The following ARID5B variants were observed in gnomAD, a reference collection of about 807,000 sequenced individuals.
The protein encoded by ARID5B is AT-rich interaction domain 5B.
A neutral mutation model predicts 97.2 loss-of-function variants in ARID5B; 13 were observed. That is an observed-to-expected ratio of 0.13 (90% confidence interval 0.09 to 0.21). The LOEUF is 0.21. Among genes scored for constraint, ARID5B ranks in the 10% least tolerant of loss-of-function variants. The pLI, the probability that ARID5B is intolerant of heterozygous loss-of-function variation, is 1.00. For missense variants in ARID5B, 1,210 were observed against 1,465.3 expected (o/e 0.83, Z 2.84); for synonymous variants, 556 against 570.3 (o/e 0.97, Z 0.36).
chr10:61,936,267 C>T (rs968598728), intron 2 of ARID5B, among the ~76,000 whole-genome samples: 3 of 152,176 alleles, frequency 2.0e-5, no homozygotes, highest in South Asian at 2.1e-4. Flanking sequence ...TACCACCTTC[C>T]CATAAATAGT....
chr10:61,973,580 TAC>T (rs148508805), intron 3 of ARID5B, among the ~76,000 whole-genome samples: 13 of 150,168 alleles, frequency 8.7e-5, no homozygotes, highest in Non-Finnish European at 1.5e-4. Flanking sequence ...CACACATGCA[TAC>T]ACACACACAC....
intron 3 of ARID5B, among the ~76,000 whole-genome samples, chr10:61,994,899 T>G (rs541505337): frequency 6.6e-6 from 1 of 152,324 alleles, no homozygotes; most frequent in Non-Finnish European, 1.5e-5. Context: ...TAATGTTGGG[T>G]CTCTTATTCC....
At position 62,092,149 on chromosome 10, in the gene ARID5B, G is replaced by A. The variant is rs1052688396; in HGVS notation, c.2686G>A (p.Ala896Thr). 1.2e-5 allele frequency: 20 copies of A among 1,607,056 alleles called. No individual in the cohort carries two copies. The highest frequency in any genetic ancestry group is 1.6e-5 in the Non-Finnish European group (19 of 1,177,524). Residue 896 changes from alanine (A) to threonine (T), a missense_variant, in exon 10 of 10, where the codon GCA (alanine) becomes ACA (threonine). Physicochemically the swap from Ala to Thr is moderately conservative, Grantham distance 58. Around this residue, in one of 8 missense-constraint regions of ARID5B, gnomAD observed 800 missense variants for 839.1 expected, o/e 0.95. Transcript: ENST00000279873. ...GCACCTGCAAGACAAAAAGTCGGCGGCAGCAGAAGCCCCTACGGATGATCA... is the reference window on the plus strand; with the variant it reads ...GCACCTGCAAGACAAAAAGTCGGCGACAGCAGAAGCCCCTACGGATGATCA... ...SLHLQDKKSAAAEAPTDDQPT... is the reference protein window; with the variant it reads ...SLHLQDKKSATAEAPTDDQPT...
intron 8 of ARID5B, among the ~76,000 whole-genome samples, chr10:62,078,821 G>C (rs1374566329): frequency 6.6e-6 from 1 of 152,206 alleles, no homozygotes; most frequent in Admixed American, 6.5e-5. Flanking sequence ...ACCATGGGAA[G>C]CTTGGGCTTG....
At position 61,931,155 on chromosome 10, in the gene ARID5B, G is replaced by A. The variant is rs61081342; in HGVS notation, c.277-9028G>A. On this transcript the variant is annotated intron_variant, in intron 2 of 9. Coordinates refer to ENST00000279873, the MANE Select transcript of ARID5B (RefSeq NM_032199.3). ...ATAATACCATGGCTCTCAAAGTTTC[G>A]GACTCAGGACCCTTTACACTCAACT... is the stretch of plus-strand genomic sequence containing the variant. Among the ~76,000 whole-genome samples, 186 of 152,150 alleles carry A rather than the reference G, an allele frequency of 1.2e-3. 3 individuals carry two copies. In the East Asian group the frequency reaches 0.024, roughly 19 times the overall value.
At chr10:61,934,816 C>CA (rs1418093150) in intron 2 of ARID5B, among the ~76,000 whole-genome samples, 5 of 151,938 alleles carry the variant, frequency 3.3e-5, no homozygotes, top group Non-Finnish European at 5.9e-5. Flanking sequence ...AGTTCGAGGC[C>CA]AGCCTGACCA....
rs1227010944 is a variant in ARID5B, at chr10:61,940,270, T to G, written c.364T>G (p.Cys122Gly). ...ACATTCTGATTTCTCCAAGTGGAGA[T>G]GTGGCTTCCACGCTGGACCAGTGAA... ...WVHSDFSKWR[C>G]GFHAGPVKTE... Residue 122 changes from cysteine to glycine, a missense_variant, in exon 3 of 10, where the codon TGT (cysteine) becomes GGT (glycine). Around this residue, in one of 8 missense-constraint regions of ARID5B, gnomAD observed 82 missense variants for 79.3 expected, o/e 1.03. Transcript: ENST00000279873. The G allele has an allele frequency of 1.2e-6, 2 of 1,614,068 alleles. No homozygotes were observed.
chr10:61,929,541 A>G (rs1375630632), intron 2 of ARID5B, among the ~76,000 whole-genome samples: 1 of 152,188 alleles, frequency 6.6e-6, no homozygotes, highest in Non-Finnish European at 1.5e-5. Context: ...CGTATATTAT[A>G]GTTGCTTAGA....
chr10:62,005,786 A>G (rs1839138024), intron 4 of ARID5B, among the ~76,000 whole-genome samples: 1 of 152,238 alleles, frequency 6.6e-6, no homozygotes, highest in Non-Finnish European at 1.5e-5. Context: ...TCCTTTCTGA[A>G]CATCACATGT....
In ARID5B at chr10:61,909,157, G is replaced by A. The variant is rs4948289; in HGVS notation, c.276+6744G>A. ...ATAGTCCAGTGGTTGGTTGTAACCT[G>A]TCGTGCACTTTATACCTTGTGCCTT... On this transcript the variant is annotated intron_variant, in intron 2 of 9. Transcript: ENST00000279873. Among the ~76,000 whole-genome samples the A allele has an allele frequency of 3.3e-5, 5 of 151,840 alleles. No homozygotes were observed. The East Asian group carries it at 5.8e-4, about 18-fold the overall frequency.
chr10:62,022,658 A>C (rs1270326763), intron 4 of ARID5B, among the ~76,000 whole-genome samples: 1 of 152,182 alleles, frequency 6.6e-6, no homozygotes, highest in Non-Finnish European at 1.5e-5. Flanking sequence ...TTTTTCTACA[A>C]CAATCCCTCA....
At chr10:61,998,390 G>T (rs1839031125) in intron 3 of ARID5B, among the ~76,000 whole-genome samples, 1 of 152,218 alleles carries the variant, frequency 6.6e-6, no homozygotes, top group African/African-American at 2.4e-5. Flanking sequence ...GGAGAAGCAA[G>T]TGACATGTCT....
chr10:62,089,674 C>G (rs748373872), intron 9 of ARID5B, among the ~76,000 whole-genome samples: 39 of 151,890 alleles, frequency 2.6e-4, no homozygotes, highest in Middle Eastern at 3.2e-3. Flanking sequence ...ATTACAGGCA[C>G]CCACCACCAC....
chr10:61,919,351 G>C (rs1843971281), intron 2 of ARID5B, among the ~76,000 whole-genome samples: 2 of 151,874 alleles, frequency 1.3e-5, no homozygotes. Context: ...TCATCCCTTT[G>C]TCCCCTTCCA....
chr10:61,949,645 C>T (rs1328925807), intron 3 of ARID5B, among the ~76,000 whole-genome samples: 2 of 152,016 alleles, frequency 1.3e-5, no homozygotes, highest in African/African-American at 4.8e-5. Flanking sequence ...CCACACCACC[C>T]CCCCACGCCC....
intron 6 of ARID5B, 23 bp from the exon 7 acceptor site, chr10:62,059,220 A>G: frequency 6.3e-7 from 1 of 1,590,780 alleles, no homozygotes. Context: ...TGCTTATCTA[A>G]ATACTTATTG....
intron 4 of ARID5B, among the ~76,000 whole-genome samples, chr10:62,012,347 T>TACAAAACAAA (rs370186883): frequency 1.3e-5 from 2 of 151,970 alleles, no homozygotes; most frequent in Non-Finnish European, 2.9e-5. Flanking sequence ...ATCCCTTCTC[T>TACAAAACAAA]ACAAAACAAA....
At chr10:62,064,527 G>C (rs1839960908) in intron 7 of ARID5B, among the ~76,000 whole-genome samples, 2 of 152,168 alleles carry the variant, frequency 1.3e-5, no homozygotes, top group East Asian at 3.9e-4. Context: ...CATTCCTGCA[G>C]CCTCAAAGAT....
In ARID5B at chr10:62,092,912, T is replaced by C; in HGVS notation, c.3449T>C (p.Val1150Ala). 1 of 1,614,182 alleles carries C rather than the reference T, an allele frequency of 6.2e-7. No homozygotes were observed. Among genetic ancestry groups the C allele is most frequent in the Non-Finnish European group, 8.5e-7 (1 of 1,180,028 alleles). The change falls in exon 10 of 10, where the codon GTA (valine) becomes GCA (alanine). Residue 1150 changes from valine to alanine, a missense_variant. Coordinates refer to ENST00000279873, the MANE Select transcript of ARID5B (RefSeq NM_032199.3). ...LYRHLAAATP[V>A]GSSYGDLLHN... ...AGACACTTGGCTGCGGCTACACCTG[T>C]AGGAAGTTCATATGGGGACCTTTTG...
Sources: allele counts gnomAD v4.1 joint callset (sites outside exome capture counted in the v4.1 genomes callset), GRCh38; gene constraint gnomAD v4.1.1; regional missense constraint gnomAD v4.1.1; transcripts MANE v1.5; gene names NCBI Gene and HGNC (gene_info 2026-07-23, HGNC 2026-07-21).